The following LPA variants were observed in gnomAD, a reference collection of about 807,000 sequenced individuals.
LPA encodes the protein lipoprotein(a), also known as apolipoprotein(a).
In LPA, 199 loss-of-function variants were observed where a neutral mutation model predicts 197.9. The observed-to-expected ratio is 1.01, with a 90% CI of 0.90 to 1.13. LPA has a LOEUF of 1.13. Ranked by LOEUF, LPA falls within the 50% of genes most tolerant of loss-of-function variation. The pLI, the probability that LPA is intolerant of heterozygous loss-of-function variation, is 0.00. For synonymous variants in LPA, 715 were observed against 639.5 expected, an observed-to-expected ratio of 1.12 and a Z score of -1.78; for missense variants, 1,853 against 1,785.8, an observed-to-expected ratio of 1.04 and a Z score of -0.68.
chr6:160,598,858 A>G (rs911422567), intron 20 of LPA, among the ~76,000 whole-genome samples: 8 of 152,142 alleles, frequency 5.3e-5, no homozygotes, highest in African/African-American at 1.4e-4. Flanking sequence ...CACAACATTC[A>G]CTTCAGGGAC....
rs1376977190 is a variant in LPA at position 160,611,599 on chromosome 6, G to A, written c.2566C>T (p.His856Tyr). 6.2e-7 allele frequency: 1 copy of A among 1,602,492 alleles called. No homozygotes were observed. The highest frequency in any genetic ancestry group is 8.5e-7 in the Non-Finnish European group (1 of 1,178,144). ...TATTCTGGGGTCCGACTATGCGAGT[G>A]TGGTGTCATAGATGACCAAGCTTGG... ...TCQAWSSMTP[H>Y]SHSRTPEYYP... Residue 856 changes from histidine to tyrosine, a missense_variant, in exon 16 of 39, where the codon CAC (histidine) becomes TAC (tyrosine). Physicochemically the swap from His to Tyr is moderately conservative, Grantham distance 83. Transcript: ENST00000316300.
chr6:160,637,611 T>G (rs2089736), intron 6 of LPA, among the ~76,000 whole-genome samples: 23,867 of 113,276 alleles, frequency 0.21, 88 homozygotes, highest in Middle Eastern at 0.39. Flanking sequence ...TGTTGGGTAA[T>G]GTTTTCCTCT....
In LPA at chr6:160,594,069, CCAT is replaced by C; in HGVS notation, c.3515_3517del (p.Asp1172del). ...AGAGAATGAGCCTCGATAACTCTGT[CCAT>C]CACCATGGTAGCAATCCTGGACCCC... On this transcript the variant is annotated inframe_deletion, in exon 22 of 39. Coordinates refer to ENST00000316300, the MANE Select transcript of LPA (RefSeq NM_005577.4). The C allele has an allele frequency of 6.2e-7, 1 of 1,613,974 alleles. No individual in the cohort carries two copies. Among genetic ancestry groups the C allele is most frequent in the Non-Finnish European group, 8.5e-7 (1 of 1,179,872 alleles).
chr6:160,549,365 C>T (rs1778131520), intron 30 of LPA, among the ~76,000 whole-genome samples: 1 of 152,166 alleles, frequency 6.6e-6, no homozygotes, highest in Non-Finnish European at 1.5e-5. Context: ...CAAGCACATA[C>T]CCCTAGAGGA....
At chr6:160,589,385 T>C (rs574065063) in intron 24 of LPA, among the ~76,000 whole-genome samples, 168 bp downstream of exon 24, 1 of 152,320 alleles carries the variant, frequency 6.6e-6, no homozygotes, top group East Asian at 1.9e-4. Flanking sequence ...TGGCCTGACA[T>C]TTCTCTCCTC....
At chr6:160,542,565 T>G (rs1051065886) in intron 34 of LPA, 123 bp downstream of exon 34, 8 of 1,444,012 alleles carry the variant, frequency 5.5e-6, no homozygotes, top group African/African-American at 1.4e-5. Context: ...TATTTTTTCC[T>G]CCTTCAGAAA....
chr6:160,611,629 T>A lies in LPA; in HGVS notation c.2536A>T (p.Thr846Ser), dbSNP rs372640159. 403 of 1,593,328 alleles carry A rather than the reference T, an allele frequency of 2.5e-4. 1 individual carries two copies. In the African/African-American group the frequency reaches 4.9e-3, roughly 19 times the overall value. Residue 846 changes from threonine to serine, a missense_variant, in exon 16 of 39, where the codon ACC becomes TCC. By Grantham distance (58) the Thr-to-Ser change is moderately conservative. This residue lies in a region of LPA where 1,737 missense variants were observed against 1,504.4 expected (regional missense o/e 1.15). Transcript: ENST00000316300. ...GTCATAGATGACCAAGCTTGGCAGGTTCTTCCAGTGACAGTGGTGGAGTAT... is the reference window on the plus strand; with the variant it reads ...GTCATAGATGACCAAGCTTGGCAGGATCTTCCAGTGACAGTGGTGGAGTAT... Reference protein sequence around the residue: ...GTYSTTVTGRTCQAWSSMTPH... With the variant: ...GTYSTTVTGRSCQAWSSMTPH...
In LPA at chr6:160,585,065, G is replaced by A. The variant is rs532977204; in HGVS notation, c.4270C>T (p.Pro1424Ser). Residue 1424 changes from proline to serine, a missense_variant, in exon 26 of 39, where the codon CCA becomes TCA. Around this residue, in one of 3 missense-constraint regions of LPA, gnomAD observed 1,737 missense variants for 1,504.4 expected, o/e 1.15. Coordinates refer to ENST00000316300, the MANE Select transcript of LPA (RefSeq NM_005577.4). ...SMTPHWHRRI[P>S]LYYPNAGLTR... Reference sequence around the variant, plus strand: ...ACATACGCATTTGGATAGTATAATGGGATCCTCCGATGCCAATGTGGTGTC... The same window carrying A: ...ACATACGCATTTGGATAGTATAATGAGATCCTCCGATGCCAATGTGGTGTC... The A allele has an allele frequency of 6.8e-6, 11 of 1,613,670 alleles. No individual in the cohort carries two copies. In the African/African-American group the frequency reaches 1.3e-4, roughly 20 times the overall value.
intron 30 of LPA, among the ~76,000 whole-genome samples, chr6:160,554,907 A>G (rs1282236926): frequency 6.6e-6 from 1 of 152,160 alleles, no homozygotes; most frequent in African/African-American, 2.4e-5. Context: ...CTTGCCCTTC[A>G]GTCCAGGAAG....
intron 28 of LPA, among the ~76,000 whole-genome samples, 194 bp downstream of exon 28, chr6:160,576,942 C>G (rs1473511797): frequency 6.6e-6 from 1 of 151,970 alleles, no homozygotes; most frequent in East Asian, 1.9e-4. Flanking sequence ...TTCCATAAAA[C>G]TATTAGGAAA....
chr6:160,583,607 T>C (rs1412204895), intron 26 of LPA, among the ~76,000 whole-genome samples: 2 of 152,196 alleles, frequency 1.3e-5, no homozygotes, highest in African/African-American at 4.8e-5. Context: ...GTAGCTGTTC[T>C]TTGTTCTCCT....
intron 25 of LPA, among the ~76,000 whole-genome samples, chr6:160,586,043 T>C (rs550683173): frequency 2.7e-4 from 41 of 152,236 alleles, no homozygotes; most frequent in African/African-American, 9.9e-4. Flanking sequence ...GCCTCAAAAA[T>C]GGCATTCCTT....
chr6:160,589,675 G>T lies in LPA; in HGVS notation c.3825C>A (p.Tyr1275Ter), dbSNP rs914398263. Reference protein sequence around the residue: ...TEQSPTVQDCYHGDGQSYRGS... With the variant: ...TEQSPTVQDC ...CTCGATAACTCTGTCCATCACCATG[G>T]TAGCAGTCCTGGACTGTGGGGCTTT... Residue 1275 changes from tyrosine to a stop codon, truncating the protein, a stop_gained, in exon 24 of 39, where the codon TAC (tyrosine) becomes TAA (stop). Coordinates refer to ENST00000316300, the MANE Select transcript of LPA (RefSeq NM_005577.4). LOFTEE classifies it high-confidence loss of function. The T allele has an allele frequency of 2.5e-6, 4 of 1,613,896 alleles. No individual in the cohort carries two copies. Among genetic ancestry groups the T allele is most frequent in the Non-Finnish European group, 3.4e-6 (4 of 1,179,840 alleles).
At chr6:160,605,824 A>T (rs113217158) in intron 17 of LPA, among the ~76,000 whole-genome samples, 5 of 152,270 alleles carry the variant, frequency 3.3e-5, no homozygotes, top group African/African-American at 1.2e-4. Context: ...CATGACCCAC[A>T]TCCTGAGTTG....
At chr6:160,553,612 C>A (rs1406251842) in intron 30 of LPA, among the ~76,000 whole-genome samples, 2 of 152,172 alleles carry the variant, frequency 1.3e-5, no homozygotes, top group Non-Finnish European at 2.9e-5. Flanking sequence ...TTGTTTTCCT[C>A]TGGCTTATAA....
Position 160,606,391 on chromosome 6 carries a change from A to G in LPA, c.2785+86T>C, listed in dbSNP as rs10081128. The G allele has an allele frequency of 3.7e-4, 572 of 1,539,784 alleles. 3 individuals are homozygous for G. The African/African-American group carries it at 6.9e-3, about 19-fold the overall frequency. ...GTCAACACTCGAGCATCCGTTTACC[A>G]TTGGAGGCTGCTGCATCAGTGGGAA... On this transcript the variant is annotated intron_variant, in intron 17 of 38. Transcript: ENST00000316300.
intron 1 of LPA, among the ~76,000 whole-genome samples, chr6:160,658,027 G>A (rs990241017): frequency 1.3e-5 from 2 of 152,092 alleles, no homozygotes; most frequent in Admixed American, 1.3e-4. Flanking sequence ...ACATTATCTT[G>A]CCTGGCAGCT....
chr6:160,542,756 A>G lies in LPA; in HGVS notation c.5451T>C (p.Pro1817=), dbSNP rs1778002430. 2 of 1,614,018 alleles carry G rather than the reference A, an allele frequency of 1.2e-6. No homozygotes were observed. The highest frequency in any genetic ancestry group is 1.3e-5 in the African/African-American group (1 of 74,920). ...GKPQVEPKKC[P]GSIVGGCVAH... is the part of the protein sequence containing the mutation. ...CCACACACCCCCCTACAATGCTTCC[A>G]GGACATTTCTTCGGCTCCACTTGAG... Residue 1817 remains proline (P), a synonymous_variant, in exon 34 of 39, where the codon CCT becomes CCC. Coordinates refer to ENST00000316300, the MANE Select transcript of LPA (RefSeq NM_005577.4).
At chr6:160,592,213 C>T (rs1779043500) in intron 22 of LPA, among the ~76,000 whole-genome samples, 1 of 151,040 alleles carries the variant, frequency 6.6e-6, no homozygotes, top group African/African-American at 2.4e-5. Context: ...TTAATTGGTT[C>T]AGTCATTGTG....
Sources: gnomAD v4.1 joint callset for allele counts (sites outside exome capture counted in the v4.1 genomes callset) on GRCh38, gnomAD v4.1.1 for gene constraint, gnomAD v4.1.1 regional missense constraint, MANE v1.5 for transcripts, NCBI Gene and HGNC (gene_info 2026-07-23, HGNC 2026-07-21) for gene names.